C19orf38: variants seen among roughly 807,000 people sequenced by gnomAD.
C19orf38 encodes chromosome 19 open reading frame 38.
In C19orf38, 14 loss-of-function variants were observed where a neutral mutation model predicts 26.6. The ratio of observed to expected loss-of-function variants is 0.53; its 90% CI spans 0.35 to 0.82. The LOEUF (loss-of-function observed/expected upper bound fraction) is 0.82, where lower values mean the gene tolerates loss of function less well. Ranked by LOEUF, C19orf38 falls within the 40% of genes least tolerant of loss-of-function variation. The pLI is 0.01. For missense variants in C19orf38, 261 were observed against 299.5 expected (o/e 0.87, Z 0.95); for synonymous variants, 132 against 128.5 (o/e 1.03, Z -0.18).
intron 1 of C19orf38, among the ~76,000 whole-genome samples, chr19:10,839,230 G>A (rs1015580196): frequency 3.3e-5 from 5 of 152,050 alleles, no homozygotes; most frequent in Admixed American, 3.3e-4. Context: ...CTTAGTTCCT[G>A]TACACGTGGT....
At chr19:10,863,051 T>TG in intron 5 of C19orf38, 119 bp from the exon 6 acceptor site, 1 of 1,008,658 alleles carries the variant, frequency 9.9e-7, no homozygotes, top group Admixed American at 2.1e-5. Flanking sequence ...CCATAGAGGA[T>TG]GCTGGGAGAT....
chr19:10,846,054 C>T (rs1281660699), upstream of C19orf38, among the ~76,000 whole-genome samples: 33 of 147,386 alleles, frequency 2.2e-4, no homozygotes, highest in Non-Finnish European at 9.0e-5. Flanking sequence ...TGGTGGTGGA[C>T]ACCTGTAGTC....
chr19:10,850,672 A>T, intron 2 of C19orf38, 105 bp downstream of exon 2: 1 of 1,228,578 alleles, frequency 8.1e-7, no homozygotes, highest in Non-Finnish European at 1.1e-6. Flanking sequence ...AGCCAGGCTT[A>T]CACCCTGCCA....
chr19:10,848,059 C>A (rs1034308987), upstream of C19orf38, among the ~76,000 whole-genome samples: 1 of 152,088 alleles, frequency 6.6e-6, no homozygotes, highest in Non-Finnish European at 1.5e-5. Flanking sequence ...TGCATGATGG[C>A]TCCTGCCTGT....
At chr19:10,853,906 T>G (rs1048362172) in intron 2 of C19orf38, among the ~76,000 whole-genome samples, 28 of 150,996 alleles carry the variant, frequency 1.9e-4, no homozygotes, top group Non-Finnish European at 3.6e-4. Flanking sequence ...AATGTTTTTT[T>G]TTTTTTTTTT....
At chr19:10,861,477 G>C (rs1242459351) in intron 5 of C19orf38, among the ~76,000 whole-genome samples, 4 of 152,264 alleles carry the variant, frequency 2.6e-5, no homozygotes, top group Non-Finnish European at 5.9e-5. Context: ...AACCAAGACA[G>C]ATGTGCTGTC....
intron 6 of C19orf38, among the ~76,000 whole-genome samples, chr19:10,865,542 A>T (rs757751518): frequency 6.6e-6 from 1 of 151,804 alleles, no homozygotes; most frequent in Admixed American, 6.6e-5. Flanking sequence ...CGAGGTGGGA[A>T]GATTGCTTGA....
intron 1 of C19orf38, among the ~76,000 whole-genome samples, chr19:10,842,961 G>T (rs558638229): frequency 6.6e-6 from 1 of 152,280 alleles, no homozygotes; most frequent in African/African-American, 2.4e-5. Context: ...GAAGAATGAG[G>T]AAATGCTGAC....
upstream of C19orf38, among the ~76,000 whole-genome samples, chr19:10,845,594 G>T (rs2073510193): frequency 6.6e-6 from 1 of 152,086 alleles, no homozygotes; most frequent in South Asian, 2.1e-4. Flanking sequence ...AGAAGATAAA[G>T]GTGGGCCGGG....
Position 10,856,276 on chromosome 19 carries a change from A to C in C19orf38, c.352A>C (p.Ile118Leu). 2 of 1,550,880 alleles carry C rather than the reference A, an allele frequency of 1.3e-6. No homozygotes were observed. The highest frequency in any genetic ancestry group is 1.7e-6 in the Non-Finnish European group (2 of 1,146,388). ...TGATTTTCCTCCAGTGCCCACTTGG[A>C]TCTTGGTGCTCTCCCTGAGCCTGGC... ...VNVSFPVPTW[I>L]LVLSLSLAGA... Residue 118 changes from isoleucine to leucine, a missense_variant, in exon 3 of 7, where the codon ATC (isoleucine) becomes CTC (leucine). Physicochemically the swap from Ile to Leu is conservative, Grantham distance 5. Coordinates refer to ENST00000397820, the MANE Select transcript of C19orf38 (RefSeq NM_001136482.3).
rs551870285 is a variant in C19orf38 at position 10,858,443 on chromosome 19, T to C, written c.461+100T>C. 361 of 1,164,486 alleles carry C rather than the reference T, an allele frequency of 3.1e-4. No individual in the cohort carries two copies. In the African/African-American group the frequency reaches 4.8e-3, roughly 16 times the overall value. 72.1% of individuals were successfully genotyped at this position (1,164,486 alleles called of 1,614,324 possible). A position where few individuals can be genotyped will look rare whatever the true frequency, so the allele number is the denominator to read the frequency against. Reference sequence around the variant, plus strand: ...CATGCCCCCCACAAACAGCGCCTCCTGGTGGGCATGCTGCGTAATAGGAAC... The same window carrying C: ...CATGCCCCCCACAAACAGCGCCTCCCGGTGGGCATGCTGCGTAATAGGAAC... On this transcript the variant is annotated intron_variant, in intron 4 of 6. Coordinates refer to ENST00000397820, the MANE Select transcript of C19orf38 (RefSeq NM_001136482.3).
rs538670449 is a variant in C19orf38, at chr19:10,839,411, G to A, written c.-69+2641G>A. On this transcript the variant is annotated intron_variant, in intron 1 of 7. Transcript: ENST00000592854. ...TTATTAGAAAAGAAATGATATCAGGGGCTACTTTCTGTTAGAAAAGAAATT... is the reference window on the plus strand; with the variant it reads ...TTATTAGAAAAGAAATGATATCAGGAGCTACTTTCTGTTAGAAAAGAAATT... 8.5e-5 allele frequency among the ~76,000 whole-genome samples: 13 copies of A among 152,188 alleles called. No individual in the cohort carries two copies. The East Asian group carries it at 1.7e-3, about 20-fold the overall frequency.
intron 3 of C19orf38, among the ~76,000 whole-genome samples, chr19:10,857,499 C>T (rs530475131): frequency 3.5e-4 from 51 of 146,792 alleles, no homozygotes; most frequent in African/African-American, 1.1e-3. Flanking sequence ...GTGCAACCTC[C>T]GCCTCCCAGG....
rs548460163 is a variant in C19orf38, at chr19:10,869,241, G to A, written c.567G>A (p.Pro189=). 4.3e-5 allele frequency: 67 copies of A among 1,551,604 alleles called. No homozygotes were observed. The African/African-American group carries it at 5.1e-4, about 12-fold the overall frequency. ...VSAKTMPEED[P]ATLDDHSGTT... is the part of the protein sequence containing the mutation. The stretch of plus-strand genomic sequence containing the variant: ...AGAAAACGATGCCAGAAGAAGACCC[G>A]GCCACCTTGGATGATCACTCAGGCA... The change falls in exon 7 of 7, where the codon CCG becomes CCA. Residue 189 remains proline, a synonymous_variant. Coordinates refer to ENST00000397820, the MANE Select transcript of C19orf38 (RefSeq NM_001136482.3).
intron 6 of C19orf38, among the ~76,000 whole-genome samples, chr19:10,867,654 T>C (rs2073765548): frequency 7.8e-6 from 1 of 127,576 alleles, no homozygotes; most frequent in Non-Finnish European, 1.7e-5. Context: ...TTTTTTTTTT[T>C]TTTTTTTTTT....
At chr19:10,854,131 C>T (rs933309853) in intron 2 of C19orf38, among the ~76,000 whole-genome samples, 3 of 151,298 alleles carry the variant, frequency 2.0e-5, no homozygotes, top group Non-Finnish European at 2.9e-5. Flanking sequence ...GGCCCAATCT[C>T]GGCTCACTGC....
intron 6 of C19orf38, among the ~76,000 whole-genome samples, chr19:10,867,197 C>A (rs151281217): frequency 4.4e-4 from 67 of 152,190 alleles, no homozygotes; most frequent in Middle Eastern, 6.8e-3. Flanking sequence ...GGATTTGCCT[C>A]TTCTGGACAT....
chr19:10,858,172 G>C, intron 3 of C19orf38, 144 bp from the exon 4 acceptor site: 1 of 724,276 alleles, frequency 1.4e-6, no homozygotes, highest in Non-Finnish European at 2.2e-6. Context: ...AGGTTGCAGT[G>C]AGCCAAGATT....
chr19:10,869,437 G>C lies in C19orf38; in HGVS notation c.*70G>C, dbSNP rs756630945. The C allele has an allele frequency of 8.2e-6, 12 of 1,462,970 alleles. No homozygotes were observed. Among genetic ancestry groups the C allele is most frequent in the South Asian group, 1.4e-5 (1 of 73,216 alleles). 90.6% of individuals were successfully genotyped at this position (1,462,970 alleles called of 1,614,324 possible). On this transcript the variant is annotated 3_prime_UTR_variant, in exon 7 of 7. Coordinates refer to ENST00000397820, the MANE Select transcript of C19orf38 (RefSeq NM_001136482.3). ...CTGAGGTCCCTCCAGCTACTTCTGG[G>C]GGGGCTCTGTCAGCCACTTTCTCAG...
Sources: allele counts gnomAD v4.1 joint callset (sites outside exome capture counted in the v4.1 genomes callset), GRCh38; gene constraint gnomAD v4.1.1; transcripts MANE v1.5; gene names NCBI Gene and HGNC (gene_info 2026-07-23, HGNC 2026-07-21).